CPQ: variants seen among roughly 807,000 people sequenced by gnomAD.
CPQ encodes Ser-Met dipeptidase.
Under a neutral mutation model 45.7 loss-of-function variants are expected in CPQ, and 37 were observed. The ratio of observed to expected loss-of-function variants is 0.81; its 90% confidence interval spans 0.62 to 1.07. The LOEUF (loss-of-function observed/expected upper bound fraction) is 1.07, where lower values mean the gene tolerates loss of function less well. Among genes scored for constraint, CPQ ranks in the 50% least tolerant of loss-of-function variants. CPQ has a pLI of 0.00. For synonymous variants in CPQ, 186 were observed against 205.8 expected (o/e 0.90, Z 0.82); for missense variants, 537 against 572.9 (o/e 0.94, Z 0.64).
At chr8:96,650,610 G>A (rs193076943) in intron 1 of CPQ, among the ~76,000 whole-genome samples, 199 of 152,270 alleles carry the variant, frequency 1.3e-3, no homozygotes, top group Non-Finnish European at 2.1e-3. Flanking sequence ...TTGTATCAAC[G>A]CCTTGCCTTA....
At chr8:96,918,340 C>T (rs1364911514) in intron 4 of CPQ, among the ~76,000 whole-genome samples, 1 of 152,024 alleles carries the variant, frequency 6.6e-6, no homozygotes, top group Non-Finnish European at 1.5e-5. Context: ...TTTCCCTGAC[C>T]TATTTCTTTA....
chr8:96,749,844 C>A (rs867399849), intron 1 of CPQ, among the ~76,000 whole-genome samples: 2 of 151,982 alleles, frequency 1.3e-5, no homozygotes, highest in Non-Finnish European at 2.9e-5. Context: ...TTTTTCCCAC[C>A]AATTCTACTT....
At chr8:96,766,692 T>C (rs1056152165) in intron 1 of CPQ, among the ~76,000 whole-genome samples, 1 of 152,172 alleles carries the variant, frequency 6.6e-6, no homozygotes, top group African/African-American at 2.4e-5. Context: ...TCTTCAAGTA[T>C]AACTCAGGTT....
intron 1 of CPQ, among the ~76,000 whole-genome samples, chr8:96,666,540 G>A (rs1257647496): frequency 6.6e-6 from 1 of 152,178 alleles, no homozygotes; most frequent in Non-Finnish European, 1.5e-5. Flanking sequence ...AGACCAGAGT[G>A]TAGGGATCAG....
At chr8:96,826,646 G>A (rs1439955043) in intron 2 of CPQ, among the ~76,000 whole-genome samples, 1 of 151,768 alleles carries the variant, frequency 6.6e-6, no homozygotes. Flanking sequence ...AAGTTCTGGG[G>A]TACATATGCA....
chr8:97,063,255 CT>C (rs1810582696), intron 6 of CPQ, among the ~76,000 whole-genome samples: 1 of 151,996 alleles, frequency 6.6e-6, no homozygotes, highest in South Asian at 2.1e-4. Flanking sequence ...TTTTCATATG[CT>C]TGTTGGCCAC....
At chr8:97,075,182 G>C (rs1253591627) in intron 7 of CPQ, among the ~76,000 whole-genome samples, 1 of 152,178 alleles carries the variant, frequency 6.6e-6, no homozygotes, top group Non-Finnish European at 1.5e-5. Flanking sequence ...ATCAGATAAT[G>C]ACATTATGAT....
chr8:96,695,049 G>C (rs867808090), intron 1 of CPQ, among the ~76,000 whole-genome samples: 8 of 151,130 alleles, frequency 5.3e-5, no homozygotes, highest in African/African-American at 1.9e-4. Context: ...ATACTACAAG[G>C]CTACAGTAAC....
At chr8:96,991,236 TCTC>T (rs1809087059) in intron 5 of CPQ, among the ~76,000 whole-genome samples, 1 of 152,084 alleles carries the variant, frequency 6.6e-6, no homozygotes, top group Non-Finnish European at 1.5e-5. Context: ...GCTTCAGTCT[TCTC>T]CTTTGTTAAA....
chr8:96,662,264 T>G (rs1373692470), intron 1 of CPQ, among the ~76,000 whole-genome samples: 5 of 152,214 alleles, frequency 3.3e-5, no homozygotes, highest in African/African-American at 1.2e-4. Context: ...ATCCTTAACA[T>G]TACACATAAA....
chr8:96,769,430 G>A (rs552756094), intron 1 of CPQ, among the ~76,000 whole-genome samples: 1 of 152,166 alleles, frequency 6.6e-6, no homozygotes, highest in Admixed American at 6.5e-5. Flanking sequence ...TGCTGATTGT[G>A]GGTGTGTGCA....
chr8:97,044,727 G>A (rs1326012657), intron 6 of CPQ, among the ~76,000 whole-genome samples: 1 of 152,230 alleles, frequency 6.6e-6, no homozygotes, highest in Admixed American at 6.5e-5. Flanking sequence ...CTGCAGGTCT[G>A]TTGGAGTTTG....
intron 1 of CPQ, among the ~76,000 whole-genome samples, chr8:96,744,043 G>A (rs1005777415): frequency 6.6e-6 from 1 of 152,214 alleles, no homozygotes; most frequent in Non-Finnish European, 1.5e-5. Context: ...ACCCAAGCAA[G>A]CCTGGGCAAT....
At chr8:96,766,684 T>C (rs1352748994) in intron 1 of CPQ, among the ~76,000 whole-genome samples, 1 of 152,174 alleles carries the variant, frequency 6.6e-6, no homozygotes, top group Non-Finnish European at 1.5e-5. Flanking sequence ...TAAAATCATC[T>C]TCAAGTATAA....
intron 1 of CPQ, among the ~76,000 whole-genome samples, chr8:96,657,972 T>C (rs770143420): frequency 6.6e-6 from 1 of 152,254 alleles, no homozygotes; most frequent in Non-Finnish European, 1.5e-5. Flanking sequence ...TCTATGTTAT[T>C]CATAACTAAT....
At chr8:96,741,206 G>A (rs1451656316) in intron 1 of CPQ, among the ~76,000 whole-genome samples, 2 of 152,096 alleles carry the variant, frequency 1.3e-5, no homozygotes, top group African/African-American at 4.8e-5. Context: ...GTCTTGGGAA[G>A]GTGTATGTGT....
intron 4 of CPQ, among the ~76,000 whole-genome samples, chr8:96,946,082 T>G (rs1295256317): frequency 6.6e-6 from 1 of 152,210 alleles, no homozygotes; most frequent in East Asian, 1.9e-4. Context: ...CAATTAACTT[T>G]GTGAAAAGGT....
chr8:96,704,718 G>C (rs1388686496), intron 1 of CPQ, among the ~76,000 whole-genome samples: 1 of 152,040 alleles, frequency 6.6e-6, no homozygotes, highest in African/African-American at 2.4e-5. Flanking sequence ...AAGAGCATTG[G>C]GAAGTTATTA....
chr8:97,098,086 C>T lies in CPQ; in HGVS notation c.1255+31876C>T, dbSNP rs1811239794. On this transcript the variant is annotated intron_variant, in intron 7 of 7. Coordinates refer to ENST00000220763, the MANE Select transcript of CPQ (RefSeq NM_016134.4). ...TTGAAAGTTTCAAGGTCTCCCCCAACCCTCAGATGTCAAGAGGGCCTCCTA... is the reference window on the plus strand; with the variant it reads ...TTGAAAGTTTCAAGGTCTCCCCCAATCCTCAGATGTCAAGAGGGCCTCCTA... 2.0e-5 allele frequency among the ~76,000 whole-genome samples: 3 copies of T among 152,208 alleles called. No individual in the cohort carries two copies. The South Asian group carries it at 6.2e-4, about 32-fold the overall frequency.
Sources: allele counts gnomAD v4.1 joint callset (sites outside exome capture counted in the v4.1 genomes callset), GRCh38; gene constraint gnomAD v4.1.1; transcripts MANE v1.5; gene names NCBI Gene and HGNC (gene_info 2026-07-23, HGNC 2026-07-21).